The following PCCB variants were observed in gnomAD, a reference collection of about 807,000 sequenced individuals.
The protein encoded by PCCB is propionyl-CoA carboxylase beta chain, mitochondrial.
A neutral mutation model predicts 60.7 loss-of-function variants in PCCB; 43 were observed. The ratio of observed to expected loss-of-function variants is 0.71; its 90% confidence interval spans 0.55 to 0.91. PCCB has a LOEUF of 0.91. PCCB is among the 40% of genes least tolerant of loss of function. The pLI, the probability that PCCB is intolerant of heterozygous loss-of-function variation, is 0.00. For synonymous variants in PCCB, 276 were observed against 255.9 expected, an observed-to-expected ratio of 1.08 and a Z score of -0.75; for missense variants, 766 against 702.8, an observed-to-expected ratio of 1.09 and a Z score of -1.02.
intron 6 of PCCB, among the ~76,000 whole-genome samples, chr3:136,287,603 T>A (rs1403201284): frequency 6.6e-6 from 1 of 151,992 alleles, no homozygotes; most frequent in East Asian, 1.9e-4. Flanking sequence ...CCCGGCTAAT[T>A]TTTTGTATTT....
At chr3:136,270,099 C>G (rs1049917367) in intron 5 of PCCB, among the ~76,000 whole-genome samples, 1 of 149,612 alleles carries the variant, frequency 6.7e-6, no homozygotes, top group East Asian at 2.0e-4. Flanking sequence ...TTGTCAAATG[C>G]TTTTTTCTGC....
intron 10 of PCCB, among the ~76,000 whole-genome samples, chr3:136,317,798 C>T (rs570845944): frequency 6.6e-6 from 1 of 152,294 alleles, no homozygotes; most frequent in East Asian, 1.9e-4. Context: ...TGGCATCTTA[C>T]CATGTCTGTG....
intron 1 of PCCB, among the ~76,000 whole-genome samples, chr3:136,252,896 GTTTT>G (rs1287589620): frequency 2.2e-5 from 2 of 89,984 alleles, no homozygotes; most frequent in Non-Finnish European, 4.5e-5. Context: ...AGGATTGCCT[GTTTT>G]TTGTTTTGTT....
At chr3:136,315,558 C>G (rs1330674738) in intron 9 of PCCB, among the ~76,000 whole-genome samples, 1 of 152,136 alleles carries the variant, frequency 6.6e-6, no homozygotes, top group African/African-American at 2.4e-5. Flanking sequence ...GAATTGGGCA[C>G]AGTGGCTCAT....
intron 4 of PCCB, 150 bp downstream of exon 4, chr3:136,260,685 AATTTTCGTACC>A (rs1204355553): frequency 7.2e-6 from 5 of 696,280 alleles, no homozygotes; most frequent in Non-Finnish European, 1.3e-5. Flanking sequence ...GGTGCATAAC[AATTTTCGTACC>A]ATGGATCTCT....
intron 10 of PCCB, 108 bp from the exon 11 acceptor site, chr3:136,326,695 G>A: frequency 2.5e-6 from 2 of 806,920 alleles, no homozygotes; most frequent in Non-Finnish European, 4.4e-6. Context: ...AGAAGTGTTG[G>A]TGCCTCCACA....
intron 5 of PCCB, among the ~76,000 whole-genome samples, chr3:136,280,274 A>G (rs1942442492): frequency 1.3e-5 from 2 of 152,102 alleles, no homozygotes; most frequent in Admixed American, 1.3e-4. Context: ...AAATGTCTTA[A>G]TTTTCCCTTC....
intron 10 of PCCB, among the ~76,000 whole-genome samples, chr3:136,325,345 CTATT>C (rs1319506730): frequency 6.6e-6 from 1 of 151,760 alleles, no homozygotes; most frequent in African/African-American, 2.4e-5. Context: ...TGTGACTTGC[CTATT>C]TATTTCCTTT....
intron 7 of PCCB, among the ~76,000 whole-genome samples, chr3:136,296,667 ACT>A (rs1331746190): frequency 6.6e-6 from 1 of 152,094 alleles, no homozygotes; most frequent in East Asian, 1.9e-4. Context: ...GAACTGACAG[ACT>A]CTCTTCCAAA....
At chr3:136,278,154 C>T (rs542152569) in intron 5 of PCCB, among the ~76,000 whole-genome samples, 138 of 152,298 alleles carry the variant, frequency 9.1e-4, no homozygotes, top group Non-Finnish European at 1.6e-3. Context: ...GCCACTGTTT[C>T]TACTTTTATA....
chr3:136,284,916 A>G (rs960446447), intron 6 of PCCB, among the ~76,000 whole-genome samples: 2 of 151,912 alleles, frequency 1.3e-5, no homozygotes, highest in African/African-American at 4.8e-5. Flanking sequence ...GCGAAACCCC[A>G]TCTCTACAAA....
At chr3:136,305,163 C>T (rs1347585707) in intron 9 of PCCB, among the ~76,000 whole-genome samples, 4 of 120,328 alleles carry the variant, frequency 3.3e-5, no homozygotes, top group African/African-American at 1.0e-4. Context: ...GGCGAGATCA[C>T]GGCTCATTGC....
rs556403144 is a variant in PCCB at position 136,299,752 on chromosome 3, ATG to A, written c.885-1270_885-1269del. On this transcript the variant is annotated intron_variant, in intron 8 of 14. Transcript: ENST00000251654. ...TATGCATGTGTATGTATAGGTATGC[ATG>A]TGTGTGTATGTATAGGTATGCATGT... 4.8e-3 allele frequency among the ~76,000 whole-genome samples: 710 copies of A among 148,816 alleles called. 15 individuals are homozygous for A. The highest frequency in any genetic ancestry group is 0.017 in the African/African-American group (656 of 39,356).
chr3:136,327,092 T>G, intron 11 of PCCB, 63 bp from the exon 12 acceptor site: 1 of 1,474,816 alleles, frequency 6.8e-7, no homozygotes, highest in Non-Finnish European at 9.5e-7. Flanking sequence ...ACCTCACAGC[T>G]GAGAGTGGCA....
intron 5 of PCCB, among the ~76,000 whole-genome samples, chr3:136,268,116 A>ATATATATATATG (rs1942081545): frequency 8.4e-6 from 1 of 119,218 alleles, no homozygotes; most frequent in Non-Finnish European, 1.7e-5. Flanking sequence ...ATATATATAT[A>ATATATATATATG]TATATGTATA....
chr3:136,263,170 G>T (rs1482956364), intron 5 of PCCB, among the ~76,000 whole-genome samples: 1 of 151,020 alleles, frequency 6.6e-6, no homozygotes, highest in Non-Finnish European at 1.5e-5. Flanking sequence ...AGCCAGGTTG[G>T]TCTCGAACTC....
At chr3:136,321,000 T>C (rs1032822432) in intron 10 of PCCB, among the ~76,000 whole-genome samples, 16 of 152,238 alleles carry the variant, frequency 1.1e-4, no homozygotes, top group African/African-American at 3.9e-4. Flanking sequence ...TTTCCATCTG[T>C]TCATGATTTT....
intron 5 of PCCB, among the ~76,000 whole-genome samples, chr3:136,274,672 G>A (rs937012878): frequency 6.6e-6 from 1 of 152,134 alleles, no homozygotes; most frequent in Non-Finnish European, 1.5e-5. Context: ...TGAAATCTCA[G>A]GCAAGGCCAG....
intron 5 of PCCB, among the ~76,000 whole-genome samples, chr3:136,263,111 C>A (rs571089594): frequency 3.5e-4 from 53 of 151,814 alleles, no homozygotes; most frequent in Admixed American, 1.1e-3. Context: ...TCTGCCACCA[C>A]GCCCAGCTAA....
Sources: allele counts gnomAD v4.1 joint callset (sites outside exome capture counted in the v4.1 genomes callset), GRCh38; gene constraint gnomAD v4.1.1; transcripts MANE v1.5; gene names NCBI Gene and HGNC (gene_info 2026-07-23, HGNC 2026-07-21).